Variants in DEF6 observed in about 807,000 individuals in gnomAD.
DEF6 encodes the protein differentially expressed in FDCP 6 homolog.
DEF6 carries 32 observed loss-of-function variants against 80.5 expected under a neutral mutation model. The observed-to-expected ratio is 0.40, with a 90% CI of 0.30 to 0.53. DEF6 has a LOEUF of 0.53. Among genes scored for constraint, DEF6 ranks in the 20% least tolerant of loss-of-function variants. The pLI, the probability that DEF6 is intolerant of heterozygous loss-of-function variation, is 0.57. For missense variants in DEF6, 575 were observed against 818.7 expected, an observed-to-expected ratio of 0.70 and a Z score of 3.63; for synonymous variants, 300 against 337.9, an observed-to-expected ratio of 0.89 and a Z score of 1.23.
chr6:35,311,416 T>G (rs879704938), intron 3 of DEF6, among the ~76,000 whole-genome samples: 1 of 152,034 alleles, frequency 6.6e-6, no homozygotes, highest in Non-Finnish European at 1.5e-5. Context: ...CTGGCTTCTG[T>G]TTGTGGGAAG....
In DEF6 at chr6:35,318,421, C is replaced by T. The variant is rs947807174; in HGVS notation, c.1165C>T (p.His389Tyr). ...QEEEERRRSQ[H>Y]RELQQALEGQ... ...GGAGGAGGAACGGCGCCGCAGCCAG[C>T]ACCGCGAGCTGCAGCAGGCGCTCGA... The change falls in exon 7 of 11, where the codon CAC (histidine) becomes TAC (tyrosine). Residue 389 changes from histidine to tyrosine, a missense_variant. Transcript: ENST00000316637. This position sits in a 1 kb window ranked among gnomAD's most constrained non-coding sequence, Gnocchi z 5.1. 2.0e-6 allele frequency: 3 copies of T among 1,512,520 alleles called. No individual in the cohort carries two copies. The highest frequency in any genetic ancestry group is 2.6e-6 in the Non-Finnish European group (3 of 1,136,876). 93.7% of individuals were successfully genotyped at this position (1,512,520 alleles called of 1,614,324 possible).
At chr6:35,310,678 CTT>C (rs762051213) in intron 3 of DEF6, 34 bp downstream of exon 3, 1 of 1,612,808 alleles carries the variant, frequency 6.2e-7, no homozygotes, top group Non-Finnish European at 8.5e-7. Context: ...GACTGAATCA[CTT>C]GGGACCAGAC....
At chr6:35,298,590 G>A (rs999779928) in intron 1 of DEF6, among the ~76,000 whole-genome samples, 1 of 152,186 alleles carries the variant, frequency 6.6e-6, no homozygotes, top group African/African-American at 2.4e-5. Flanking sequence ...TAGGGAAGGG[G>A]GAGAATCTAA....
intron 1 of DEF6, among the ~76,000 whole-genome samples, chr6:35,305,382 C>T (rs972511456): frequency 4.6e-5 from 7 of 151,884 alleles, no homozygotes; most frequent in African/African-American, 7.3e-5. Flanking sequence ...CCCAATTACT[C>T]GGGAGGTTGA....
intron 3 of DEF6, among the ~76,000 whole-genome samples, chr6:35,311,813 C>T (rs954258513): frequency 6.6e-6 from 1 of 152,286 alleles, no homozygotes; most frequent in Non-Finnish European, 1.5e-5. Context: ...GGGAAAGATC[C>T]CCAGGGTTGG....
chr6:35,320,294 G>C (rs986229566), intron 9 of DEF6, among the ~76,000 whole-genome samples: 1 of 152,120 alleles, frequency 6.6e-6, no homozygotes, highest in African/African-American at 2.4e-5. Context: ...TATTAATCTG[G>C]GGAAAAATTT....
rs570695706 is a variant in DEF6, at chr6:35,297,904, C to A, written c.48C>A (p.Thr16=). Residue 16 remains threonine (T), a synonymous_variant, in exon 1 of 11, where the codon ACC becomes ACA. Coordinates refer to ENST00000316637, the MANE Select transcript of DEF6 (RefSeq NM_022047.4). The part of the protein sequence containing the change: ...ELLKSIWYAF[T]ALDVEKSGKV... ...TCAAGTCCATCTGGTACGCCTTTAC[C>A]GCGCTGGACGTGGAGAAGAGTGGCA... 24 of 1,607,898 alleles carry A rather than the reference C, an allele frequency of 1.5e-5. 1 individual carries two copies. The South Asian group carries it at 2.6e-4, about 17-fold the overall frequency.
In DEF6 at chr6:35,318,450, C is replaced by A; in HGVS notation, c.1194C>A (p.Gly398=). The change falls in exon 7 of 11, where the codon GGC becomes GGA. Residue 398 remains glycine (G), a synonymous_variant. Transcript: ENST00000316637. This position sits in a 1 kb window ranked among gnomAD's most constrained non-coding sequence, Gnocchi z 5.1. The part of the protein sequence containing the change: ...QHRELQQALE[G]QLREAEQARA... ...GCGAGCTGCAGCAGGCGCTCGAGGG[C>A]CAACTGCGCGAGGCGGAGCAGGTGG... 1 of 1,470,366 alleles carries A rather than the reference C, an allele frequency of 6.8e-7. No homozygotes were observed. The highest frequency in any genetic ancestry group is 8.9e-7 in the Non-Finnish European group (1 of 1,119,018). 91.1% of individuals were successfully genotyped at this position (1,470,366 alleles called of 1,614,324 possible).
Position 35,309,685 on chromosome 6 carries a change from C to A in DEF6, c.112C>A (p.Leu38Met). ...TCTATCCCAGGTGCTGTCCCACAACCTGTACACGGTCCTGCACATCCCCCA... is the reference window on the plus strand; with the variant it reads ...TCTATCCCAGGTGCTGTCCCACAACATGTACACGGTCCTGCACATCCCCCA... ...KSQLKVLSHNLYTVLHIPHDP... is the reference protein window; with the variant it reads ...KSQLKVLSHNMYTVLHIPHDP... Residue 38 changes from leucine (L) to methionine (M), a missense_variant, in exon 2 of 11, where the codon CTG (leucine) becomes ATG (methionine). Leu to Met is a conservative substitution (Grantham distance 15, BLOSUM62 2). Coordinates refer to ENST00000316637, the MANE Select transcript of DEF6 (RefSeq NM_022047.4). 6.2e-7 allele frequency: 1 copy of A among 1,614,004 alleles called. No individual in the cohort carries two copies. The highest frequency in any genetic ancestry group is 8.5e-7 in the Non-Finnish European group (1 of 1,179,986).
At chr6:35,309,580 G>A in intron 1 of DEF6, 90 bp from the exon 2 acceptor site, 2 of 1,474,088 alleles carry the variant, frequency 1.4e-6, no homozygotes, top group South Asian at 1.2e-5. Context: ...CCAGGATGGG[G>A]TGAGGACAAG....
At chr6:35,314,829 A>AT (rs1297095170) in intron 5 of DEF6, among the ~76,000 whole-genome samples, 1 of 151,612 alleles carries the variant, frequency 6.6e-6, no homozygotes, top group African/African-American at 2.4e-5. Flanking sequence ...GTCTTCCACA[A>AT]AAAATCTCTT....
intron 1 of DEF6, among the ~76,000 whole-genome samples, chr6:35,305,264 G>T (rs1214242409): frequency 1.3e-5 from 2 of 150,570 alleles, no homozygotes; most frequent in Admixed American, 1.3e-4. Flanking sequence ...TCCCACCTCA[G>T]CCTCCTGAGT....
At chr6:35,317,740 T>A in intron 5 of DEF6, 151 bp from the exon 6 acceptor site, 222 of 561,024 alleles carry the variant, frequency 4.0e-4, no homozygotes, top group Middle Eastern at 1.4e-3. Flanking sequence ...CCCCCATAAC[T>A]TATGATGCAA....
chr6:35,317,876 C>T lies in DEF6; in HGVS notation c.808-15C>T. 6.2e-7 allele frequency: 1 copy of T among 1,610,756 alleles called. No individual in the cohort carries two copies. Among genetic ancestry groups the T allele is most frequent in the African/African-American group, 1.3e-5 (1 of 75,014 alleles). Reference sequence around the variant, plus strand: ...AGTGAGGCCAGCCTGGCTGCGGCCACCTACCCTGTGCCAGGTGCTGCCAGA... The same window carrying T: ...AGTGAGGCCAGCCTGGCTGCGGCCATCTACCCTGTGCCAGGTGCTGCCAGA... On this transcript the variant is annotated splice_polypyrimidine_tract_variant and intron_variant, in intron 5 of 10. Coordinates refer to ENST00000316637, the MANE Select transcript of DEF6 (RefSeq NM_022047.4).
At chr6:35,305,101 T>C (rs1379067501) in intron 1 of DEF6, among the ~76,000 whole-genome samples, 3 of 145,308 alleles carry the variant, frequency 2.1e-5, no homozygotes, top group African/African-American at 7.6e-5. Flanking sequence ...TGAGCCACCA[T>C]GGCCTGGGCA....
chr6:35,321,388 T>G lies in DEF6; in HGVS notation c.1874T>G (p.Leu625Arg). The change falls in exon 11 of 11, where the codon CTG (leucine) becomes CGG (arginine). Residue 625 changes from leucine (L) to arginine (R), a missense_variant. Physicochemically the swap from Leu to Arg is moderately radical, Grantham distance 102. Transcript: ENST00000316637. ...GCTTCCACCCCTCAGGAAGATAAAC[T>G]GGATCCAGCACCAGAAAATTAGCCT... Reference protein sequence around the residue: ...APASTPQEDKLDPAPEN With the variant: ...APASTPQEDKRDPAPEN The G allele has an allele frequency of 1.9e-6, 3 of 1,613,902 alleles. No individual in the cohort carries two copies. The highest frequency in any genetic ancestry group is 2.5e-6 in the Non-Finnish European group (3 of 1,179,804).
chr6:35,321,529 C>T lies in DEF6; in HGVS notation c.*119C>T. ...AGCTGAGGTCCTGGTGCCAGGGGCC[C>T]AGGCCCTCCAACCATAAACAGTCCA... On this transcript the variant is annotated 3_prime_UTR_variant, in exon 11 of 11. Coordinates refer to ENST00000316637, the MANE Select transcript of DEF6 (RefSeq NM_022047.4). 1.1e-6 allele frequency: 1 copy of T among 908,962 alleles called. No individual in the cohort carries two copies. 56.3% of individuals were successfully genotyped at this position (908,962 alleles called of 1,614,324 possible). A position where few individuals can be genotyped will look rare whatever the true frequency, so the allele number is the denominator to read the frequency against.
At chr6:35,303,257 A>G (rs543603994) in intron 1 of DEF6, among the ~76,000 whole-genome samples, 4 of 152,204 alleles carry the variant, frequency 2.6e-5, no homozygotes, top group African/African-American at 4.8e-5. Flanking sequence ...TCTTAGGGAC[A>G]GTACAGGGCG....
At chr6:35,301,247 T>C (rs1224863756) in intron 1 of DEF6, among the ~76,000 whole-genome samples, 1 of 152,168 alleles carries the variant, frequency 6.6e-6, no homozygotes, top group African/African-American at 2.4e-5. Context: ...GCTGGCTGGC[T>C]AGGATCATTA....
Sources: allele counts gnomAD v4.1 joint callset (sites outside exome capture counted in the v4.1 genomes callset), GRCh38; gene constraint gnomAD v4.1.1; non-coding constraint Gnocchi (gnomAD v3.1); transcripts MANE v1.5; gene names NCBI Gene and HGNC (gene_info 2026-07-23, HGNC 2026-07-21).